Variants in TRIM63 observed in about 807,000 individuals in gnomAD.
TRIM63 encodes the protein tripartite motif containing 63.
In TRIM63, 48 loss-of-function variants were observed where a neutral mutation model predicts 46.0. The observed-to-expected ratio is 1.04, with a 90% confidence interval of 0.83 to 1.33. The LOEUF (loss-of-function observed/expected upper bound fraction) is 1.33, where lower values mean the gene tolerates loss of function less well. Among genes scored for constraint, TRIM63 ranks in the 40% most tolerant of loss-of-function variants. The pLI is 0.00. For missense variants in TRIM63, 455 were observed against 441.2 expected (o/e 1.03, Z -0.28); for synonymous variants, 175 against 162.8 (o/e 1.08, Z -0.57).
intron 6 of TRIM63, 79 bp from the exon 7 acceptor site, chr1:26,057,406 C>T (rs540443446): frequency 5.8e-5 from 90 of 1,556,612 alleles, no homozygotes; most frequent in Middle Eastern, 4.6e-4. Context: ...TGCTTTGCCA[C>T]GCCCAGGCCT....
At chr1:26,062,947 G>A (rs1187354034) in intron 2 of TRIM63, among the ~76,000 whole-genome samples, 1 of 152,022 alleles carries the variant, frequency 6.6e-6, no homozygotes, top group Non-Finnish European at 1.5e-5. Flanking sequence ...AGTAGAGATG[G>A]GGTTTCACCA....
chr1:26,055,231 C>A (rs1438996521), intron 7 of TRIM63, among the ~76,000 whole-genome samples: 1 of 152,196 alleles, frequency 6.6e-6, no homozygotes, highest in African/African-American at 2.4e-5. Context: ...AGCTGTGTGG[C>A]CTTGAACAAG....
intron 2 of TRIM63, among the ~76,000 whole-genome samples, chr1:26,065,446 C>A (rs1279604722): frequency 6.6e-6 from 1 of 151,826 alleles, no homozygotes; most frequent in Non-Finnish European, 1.5e-5. Context: ...AGAGCTGGGA[C>A]TACAGGCATG....
At position 26,066,340 on chromosome 1, in the gene TRIM63, T is replaced by A; in HGVS notation, c.260A>T (p.His87Leu). 6.2e-7 allele frequency: 1 copy of A among 1,614,140 alleles called. No homozygotes were observed. The change falls in exon 2 of 9, where the codon CAC (histidine) becomes CTC (leucine). Residue 87 changes from histidine (H) to leucine (L), a missense_variant. His to Leu is a moderately conservative substitution (Grantham distance 99). Transcript: ENST00000374272. The stretch of plus-strand genomic sequence containing the variant: ...GTTCCTCTGCAGGCCGTACACTCCG[T>A]GACGATCCATGATCACCTCGTGGCG... The part of the protein sequence containing the change: ...TCRHEVIMDR[H>L]GVYGLQRNLL...
intron 2 of TRIM63, 132 bp downstream of exon 2, chr1:26,066,136 G>T: frequency 9.5e-7 from 1 of 1,048,228 alleles, no homozygotes; most frequent in Non-Finnish European, 1.4e-6. Context: ...TCCTGTCTCT[G>T]AATGGCTTGT....
chr1:26,063,500 G>A (rs2050646326), intron 2 of TRIM63, among the ~76,000 whole-genome samples: 1 of 152,144 alleles, frequency 6.6e-6, no homozygotes. Context: ...TGCTGGCAGG[G>A]GTCTGCCATT....
chr1:26,059,707 G>A (rs2050605633), intron 4 of TRIM63, among the ~76,000 whole-genome samples: 1 of 152,050 alleles, frequency 6.6e-6, no homozygotes, highest in Non-Finnish European at 1.5e-5. Flanking sequence ...AAGTGAACAT[G>A]GAAAATCGTG....
intron 7 of TRIM63, among the ~76,000 whole-genome samples, chr1:26,056,906 G>A (rs1013093440): frequency 2.6e-5 from 4 of 152,104 alleles, no homozygotes; most frequent in Admixed American, 2.0e-4. Flanking sequence ...GGAATTACAG[G>A]CACATGCCAT....
At chr1:26,052,746 CG>C (rs2050533867) in intron 8 of TRIM63, among the ~76,000 whole-genome samples, 31 of 152,106 alleles carry the variant, frequency 2.0e-4, no homozygotes. Flanking sequence ...GGATTACAGG[CG>C]TGAGCCACCA....
chr1:26,056,510 C>T (rs745867706), intron 7 of TRIM63, among the ~76,000 whole-genome samples: 2 of 152,154 alleles, frequency 1.3e-5, no homozygotes, highest in Non-Finnish European at 2.9e-5. Flanking sequence ...TTAGAGGGCT[C>T]ACTTCTAACC....
chr1:26,051,851 G>T lies in TRIM63; in HGVS notation c.*22C>A, dbSNP rs1476661501. On this transcript the variant is annotated 3_prime_UTR_variant, in exon 9 of 9. Transcript: ENST00000374272. ...CCTCTCCAGTCTCTCTGCATCTGGGGGCCTCTCATTCATCCAGCTCCTTAC... is the reference window on the plus strand; with the variant it reads ...CCTCTCCAGTCTCTCTGCATCTGGGTGCCTCTCATTCATCCAGCTCCTTAC... 1.3e-5 allele frequency: 18 copies of T among 1,341,448 alleles called. No homozygotes were observed. Among genetic ancestry groups the T allele is most frequent in the Non-Finnish European group, 1.7e-5 (18 of 1,040,482 alleles). The allele number at this position is 1,341,448 out of a possible 1,614,324, so 83.1% of individuals were successfully genotyped here. A position where few individuals can be genotyped will look rare whatever the true frequency, so the allele number is the denominator to read the frequency against.
chr1:26,054,712 AT>A (rs1438377626), intron 7 of TRIM63, among the ~76,000 whole-genome samples: 1 of 152,136 alleles, frequency 6.6e-6, no homozygotes, highest in Non-Finnish European at 1.5e-5. Flanking sequence ...CACACCTGTA[AT>A]CCCAGCACTT....
chr1:26,052,310 G>A lies in TRIM63; in HGVS notation c.1052-427C>T, dbSNP rs940934367. ...AGACTCAGAGAAATTGTGAGCTGCTGTGATTCAGAACCCAGGCTCCTAATC... is the reference window on the plus strand; with the variant it reads ...AGACTCAGAGAAATTGTGAGCTGCTATGATTCAGAACCCAGGCTCCTAATC... On this transcript the variant is annotated intron_variant, in intron 8 of 8. Coordinates refer to ENST00000374272, the MANE Select transcript of TRIM63 (RefSeq NM_032588.4). Among the ~76,000 whole-genome samples the A allele has an allele frequency of 2.6e-5, 4 of 152,206 alleles. No individual in the cohort carries two copies. In the East Asian group the frequency reaches 7.7e-4, roughly 29 times the overall value.
chr1:26,061,259 C>A lies in TRIM63; in HGVS notation c.408G>T (p.Thr136=). ...EDEKINIYCL[T]CEVPTCSMCK... Reference sequence around the variant, plus strand: ...ACATGGAGCAGGTGGGCACCTCACACGTGAGACAGTAGATGTTGATTTTCT... The same window carrying A: ...ACATGGAGCAGGTGGGCACCTCACAAGTGAGACAGTAGATGTTGATTTTCT... Residue 136 remains threonine, a synonymous_variant, in exon 3 of 9, where the codon ACG becomes ACT. Transcript: ENST00000374272. 1 of 1,614,204 alleles carries A rather than the reference C, an allele frequency of 6.2e-7. No homozygotes were observed. Among genetic ancestry groups the A allele is most frequent in the Non-Finnish European group, 8.5e-7 (1 of 1,180,020 alleles).
intron 4 of TRIM63, among the ~76,000 whole-genome samples, chr1:26,059,708 G>C (rs901978565): frequency 6.6e-6 from 1 of 152,074 alleles, no homozygotes; most frequent in African/African-American, 2.4e-5. Context: ...AGTGAACATG[G>C]AAAATCGTGG....
At chr1:26,064,584 A>G (rs964030561) in intron 2 of TRIM63, among the ~76,000 whole-genome samples, 6 of 152,230 alleles carry the variant, frequency 3.9e-5, no homozygotes, top group Non-Finnish European at 8.8e-5. Flanking sequence ...TTCCCGGGTT[A>G]CTATGAGAAG....
Position 26,067,510 on chromosome 1 carries a change from G to A in TRIM63, c.-16C>T, listed in dbSNP as rs755844553. 2 of 1,613,248 alleles carry A rather than the reference G, an allele frequency of 1.2e-6. No individual in the cohort carries two copies. The highest frequency in any genetic ancestry group is 1.7e-6 in the Non-Finnish European group (2 of 1,179,870). ...TATAATCCATTCTGTGGGAAGGAAT[G>A]AGAGCCACGCCTAGCTGCCTCCTCT... is the stretch of plus-strand genomic sequence containing the variant. On this transcript the variant is annotated 5_prime_UTR_variant, in exon 1 of 9. Coordinates refer to ENST00000374272, the MANE Select transcript of TRIM63 (RefSeq NM_032588.4).
At chr1:26,057,108 A>G in intron 7 of TRIM63, 95 bp downstream of exon 7, 1 of 1,465,246 alleles carries the variant, frequency 6.8e-7, no homozygotes. Context: ...GATCTTTATT[A>G]GTGTATCTGC....
chr1:26,052,448 G>A (rs1258355565), intron 8 of TRIM63, among the ~76,000 whole-genome samples: 1 of 152,134 alleles, frequency 6.6e-6, no homozygotes, highest in East Asian at 1.9e-4. Context: ...GCAAGGGCAT[G>A]TCCCATTTTT....
Sources: allele counts gnomAD v4.1 joint callset (sites outside exome capture counted in the v4.1 genomes callset), GRCh38; gene constraint gnomAD v4.1.1; transcripts MANE v1.5; gene names NCBI Gene and HGNC (gene_info 2026-07-23, HGNC 2026-07-21).